Variants in FARP2 observed in about 807,000 individuals in gnomAD.
FARP2 encodes FERM, ARHGEF and pleckstrin domain-containing protein 2.
In FARP2, 111 loss-of-function variants were observed where a neutral mutation model predicts 130.5. The observed-to-expected ratio is 0.85, with a 90% CI of 0.73 to 1.00. The LOEUF is 1.00. Ranked by LOEUF, FARP2 falls within the 50% of genes least tolerant of loss-of-function variation. FARP2 has a pLI of 0.00. For synonymous variants in FARP2, 504 were observed against 516.9 expected (o/e 0.98, Z 0.34); for missense variants, 1,385 against 1,346.3 (o/e 1.03, Z -0.45).
chr2:241,402,859 TATATATATATATATATATATA>T (rs1435500474), intron 2 of FARP2, among the ~76,000 whole-genome samples: 27 of 15,480 alleles, frequency 1.7e-3, no homozygotes, highest in African/African-American at 3.0e-3. Flanking sequence ...TATATATATA[TATATATATATATATATATATA>T]TTTTTTTTTT....
In FARP2 at chr2:241,367,906, A is replaced by G. The variant is rs535220678; in HGVS notation, c.-24-5178A>G. 2.6e-5 allele frequency among the ~76,000 whole-genome samples: 4 copies of G among 150,978 alleles called. No individual in the cohort carries two copies. In the East Asian group the frequency reaches 5.8e-4, roughly 22 times the overall value. On this transcript the variant is annotated intron_variant, in intron 1 of 26. Transcript: ENST00000264042. ...TTTTTTAATAGATTTTATTTTTTAG[A>G]GCAGTTTTAGGTTAATAGCAAAATT...
At chr2:241,443,051 G>A in intron 13 of FARP2, 1 of 211,276 alleles carries the variant, frequency 4.7e-6, no homozygotes, top group Non-Finnish European at 9.3e-6. Context: ...CATAGGCCAT[G>A]GCCTCCTGTG....
rs2150294824 is a variant in FARP2 at position 241,369,652 on chromosome 2, CAGTAGA to C, written c.-24-3430_-24-3425del. Among the ~76,000 whole-genome samples the C allele has an allele frequency of 2.0e-5, 3 of 151,202 alleles. No individual in the cohort carries two copies. In the South Asian group the frequency reaches 6.2e-4, roughly 31 times the overall value. On this transcript the variant is annotated intron_variant, in intron 1 of 26. Coordinates refer to ENST00000264042, the MANE Select transcript of FARP2 (RefSeq NM_014808.4). ...TAAGAAAACATAAATGAGAATTATA[CAGTAGA>C]ATAAATAAGAGAAATGACTTCTAAA...
At chr2:241,385,150 T>C (rs2061755071) in intron 2 of FARP2, among the ~76,000 whole-genome samples, 2 of 152,174 alleles carry the variant, frequency 1.3e-5, no homozygotes, top group South Asian at 4.1e-4. Context: ...ATTTTACTTA[T>C]TTAGAGGAAT....
intron 13 of FARP2, among the ~76,000 whole-genome samples, chr2:241,452,093 A>G (rs1176670316): frequency 1.3e-5 from 2 of 152,226 alleles, no homozygotes; most frequent in East Asian, 1.9e-4. Flanking sequence ...ATCAGTGTCA[A>G]AAAGATTTTC....
intron 13 of FARP2, chr2:241,446,298 A>G (rs1271314008): frequency 6.6e-6 from 1 of 152,178 alleles, no homozygotes; most frequent in East Asian, 1.9e-4. Context: ...ACACATTTTT[A>G]AATTAGTACT....
rs539616179 is a variant in FARP2 at position 241,430,547 on chromosome 2, A to G, written c.772-1132A>G. On this transcript the variant is annotated intron_variant, in intron 8 of 26. Transcript: ENST00000264042. ...GGAATTCCCATCATTCGCTCCTGTT[A>G]CACTCTAGCACTGTGTTCTAGCTTC... Among the ~76,000 whole-genome samples the G allele has an allele frequency of 1.6e-4, 25 of 152,220 alleles. No individual in the cohort carries two copies. The East Asian group carries it at 4.2e-3, about 26-fold the overall frequency.
chr2:241,453,951 T>G (rs1267787453), intron 13 of FARP2, among the ~76,000 whole-genome samples: 1 of 56,570 alleles, frequency 1.8e-5, no homozygotes, highest in Non-Finnish European at 4.0e-5. Flanking sequence ...ACCTGGCTAA[T>G]TTTTGTATTT....
chr2:241,477,576 T>C (rs2064506870), intron 19 of FARP2, among the ~76,000 whole-genome samples: 1 of 152,250 alleles, frequency 6.6e-6, no homozygotes, highest in African/African-American at 2.4e-5. Flanking sequence ...TGTGTGGACT[T>C]ATGTTTTCAG....
chr2:241,420,497 G>A (rs977352137), intron 8 of FARP2, among the ~76,000 whole-genome samples: 1 of 152,198 alleles, frequency 6.6e-6, no homozygotes, highest in Non-Finnish European at 1.5e-5. Context: ...TTTGAGCCTT[G>A]TGAATGTATC....
At chr2:241,360,907 G>T (rs1286262989) in intron 1 of FARP2, among the ~76,000 whole-genome samples, 1 of 151,708 alleles carries the variant, frequency 6.6e-6, no homozygotes, top group Admixed American at 6.6e-5. Context: ...TTGTTGATAG[G>T]GTACATAAAA....
chr2:241,420,250 G>A (rs1445518462), intron 8 of FARP2, among the ~76,000 whole-genome samples: 1 of 152,194 alleles, frequency 6.6e-6, no homozygotes, highest in Non-Finnish European at 1.5e-5. Context: ...AGCTCTTTAT[G>A]TCCCAATAAT....
chr2:241,487,616 G>A (rs1282003896), intron 21 of FARP2, among the ~76,000 whole-genome samples: 4 of 142,954 alleles, frequency 2.8e-5, no homozygotes, highest in East Asian at 2.1e-4. Flanking sequence ...GCACTGAGCC[G>A]AGATCACACC....
At chr2:241,452,982 A>C (rs908903270) in intron 13 of FARP2, among the ~76,000 whole-genome samples, 37 of 151,578 alleles carry the variant, frequency 2.4e-4, no homozygotes, top group Non-Finnish European at 7.4e-5. Context: ...AATTTGTGGT[A>C]CTTTTTAATG....
chr2:241,464,008 A>G (rs758435581), intron 17 of FARP2, 28 bp downstream of exon 17: 9 of 1,583,550 alleles, frequency 5.7e-6, no homozygotes, highest in South Asian at 5.6e-5. Context: ...TACTGCCTAC[A>G]TGAATGCTGT....
At chr2:241,405,661 G>GT (rs1039410849) in intron 4 of FARP2, among the ~76,000 whole-genome samples, 26 of 234 alleles carry the variant, frequency 0.11, no homozygotes, top group Non-Finnish European at 0.17. Context: ...CTGGCCCGGT[G>GT]TGGGGCTCAT....
At chr2:241,373,640 G>T (rs1251735265) in intron 2 of FARP2, among the ~76,000 whole-genome samples, 1 of 152,194 alleles carries the variant, frequency 6.6e-6, no homozygotes, top group Admixed American at 6.5e-5. Flanking sequence ...CCACCTGGAT[G>T]CGGGGATGCC....
chr2:241,445,107 A>T (rs1281230195), intron 13 of FARP2: 1 of 151,902 alleles, frequency 6.6e-6, no homozygotes, highest in South Asian at 2.1e-4. Context: ...TTTTTAAAAA[A>T]TTTTTGTGGA....
chr2:241,466,508 A>G, intron 17 of FARP2: 4 of 985,430 alleles, frequency 4.1e-6, no homozygotes, highest in Non-Finnish European at 4.8e-6. Context: ...GCCCTGCCAC[A>G]GAGAGGGACC....
Sources: allele counts gnomAD v4.1 joint callset (sites outside exome capture counted in the v4.1 genomes callset), GRCh38; gene constraint gnomAD v4.1.1; transcripts MANE v1.5; gene names NCBI Gene and HGNC (gene_info 2026-07-23, HGNC 2026-07-21).